HPSE: variants seen among roughly 807,000 people sequenced by gnomAD.
HPSE encodes endo-glucoronidase.
Under a neutral mutation model 65.1 loss-of-function variants are expected in HPSE, and 48 were observed. The observed-to-expected ratio is 0.74, with a 90% confidence interval of 0.58 to 0.94. HPSE has a LOEUF of 0.94. Ranked by LOEUF, HPSE falls within the 40% of genes least tolerant of loss-of-function variation. The pLI, the probability that HPSE is intolerant of heterozygous loss-of-function variation, is 0.00. For missense variants in HPSE, 644 were observed against 637.5 expected, an observed-to-expected ratio of 1.01 and a Z score of -0.11; for synonymous variants, 243 against 260.0, an observed-to-expected ratio of 0.93 and a Z score of 0.63.
chr4:83,311,365 A>G (rs1383147687), intron 4 of HPSE, among the ~76,000 whole-genome samples: 2 of 152,156 alleles, frequency 1.3e-5, no homozygotes, highest in Non-Finnish European at 2.9e-5. Context: ...CTCCAGAAAA[A>G]CAAAACAAAA....
At chr4:83,308,304 G>A (rs543259735) in intron 8 of HPSE, among the ~76,000 whole-genome samples, 67 of 152,194 alleles carry the variant, frequency 4.4e-4, no homozygotes, top group African/African-American at 1.5e-3. Context: ...TACTCAGGAC[G>A]CTGAGGCAGG....
chr4:83,298,295 G>A (rs1048157370), intron 11 of HPSE, among the ~76,000 whole-genome samples: 1 of 152,104 alleles, frequency 6.6e-6, no homozygotes, highest in East Asian at 1.9e-4. Flanking sequence ...TGGGGATGCT[G>A]GGCAAAATGT....
intron 1 of HPSE, among the ~76,000 whole-genome samples, chr4:83,333,222 T>C (rs921389022): frequency 6.6e-6 from 1 of 152,216 alleles, no homozygotes; most frequent in Non-Finnish European, 1.5e-5. Context: ...ACACTTACTA[T>C]GGGTCAAACA....
chr4:83,298,613 A>G (rs1195732868), intron 11 of HPSE, among the ~76,000 whole-genome samples: 1 of 151,960 alleles, frequency 6.6e-6, no homozygotes, highest in Non-Finnish European at 1.5e-5. Flanking sequence ...AGATCACTTG[A>G]GCTTAGGAGT....
intron 3 of HPSE, among the ~76,000 whole-genome samples, chr4:83,315,343 T>A (rs1459448165): frequency 2.6e-5 from 4 of 152,174 alleles, no homozygotes; most frequent in African/African-American, 9.7e-5. Context: ...TGACCCAGCA[T>A]TCTACTGGAT....
Position 83,292,583 on chromosome 4 carries a change from TAAATTGAATG to T in HPSE, c.*2751_*2760del, listed in dbSNP as rs1418139838. 6.6e-6 allele frequency: 1 copy of T among 152,242 alleles called. No homozygotes were observed. The highest frequency in any genetic ancestry group is 2.4e-5 in the African/African-American group (1 of 41,456). 9.4% of individuals were successfully genotyped at this position (152,242 alleles called of 1,614,324 possible). On this transcript the variant is annotated 3_prime_UTR_variant, in exon 12 of 12. Coordinates refer to ENST00000311412, the MANE Select transcript of HPSE (RefSeq NM_001098540.3). ...AGCTTTAGCTCCTTACAAATATACT[TAAATTGAATG>T]AAATTGAATGGAATTAACCTAAGTG...
chr4:83,334,907 A>G (rs1467458591), upstream of HPSE: 15 of 1,380,658 alleles, frequency 1.1e-5, no homozygotes, highest in African/African-American at 1.8e-4. Context: ...ACGCCTCCTC[A>G]CCCCTCCCAC....
intron 4 of HPSE, 87 bp downstream of exon 4, chr4:83,313,021 CAAAAAA>C (rs370866017): frequency 1.9e-5 from 12 of 646,020 alleles, no homozygotes; most frequent in South Asian, 7.0e-5. Flanking sequence ...GACTCTGTCT[CAAAAAA>C]AAAAAAAAAA....
chr4:83,320,433 G>T (rs1244720775), intron 2 of HPSE, among the ~76,000 whole-genome samples: 1 of 152,124 alleles, frequency 6.6e-6, no homozygotes, highest in South Asian at 2.1e-4. Flanking sequence ...GGGCGTGGTG[G>T]TGTGTGCCTG....
chr4:83,310,810 G>A lies in HPSE; in HGVS notation c.754C>T (p.Leu252Phe). 1 of 1,613,966 alleles carries A rather than the reference G, an allele frequency of 6.2e-7. No individual in the cohort carries two copies. Among genetic ancestry groups the A allele is most frequent in the Non-Finnish European group, 8.5e-7 (1 of 1,179,840 alleles). ...LGEDFIQLHKLLRKSTFKNAK... is the reference protein window; with the variant it reads ...LGEDFIQLHKFLRKSTFKNAK... ...TTTTTGAAGGTGGACTTTCTTAGAA[G>A]TTTATGCAATTGAATAAAATCTTCT... is the stretch of plus-strand genomic sequence containing the variant. The change falls in exon 5 of 12, where the codon CTT (leucine) becomes TTT (phenylalanine). Residue 252 changes from leucine to phenylalanine, a missense_variant. Coordinates refer to ENST00000311412, the MANE Select transcript of HPSE (RefSeq NM_001098540.3).
At chr4:83,313,069 A>T in intron 4 of HPSE, 45 bp downstream of exon 4, 1 of 1,117,140 alleles carries the variant, frequency 9.0e-7, no homozygotes, top group East Asian at 2.4e-5. Flanking sequence ...AAATAATGCT[A>T]GTGGGGGATC....
chr4:83,300,742 G>C (rs558345013), intron 11 of HPSE, among the ~76,000 whole-genome samples: 625 of 26,134 alleles, frequency 0.024, 229 homozygotes, highest in South Asian at 0.054. Flanking sequence ...GTGAACCCGG[G>C]AGGCGGAGCT....
chr4:83,334,764 G>C lies in HPSE; in HGVS notation c.19C>G (p.Pro7Ala). Residue 7 changes from proline to alanine, a missense_variant, in exon 1 of 12, where the codon CCT (proline) becomes GCT (alanine). Physicochemically the swap from Pro to Ala is conservative, Grantham distance 27. Transcript: ENST00000311412. MLLRSK[P>A]ALPPPLMLLL... ...AGCATCAGCGGCGGCGGCAGCGCAG[G>C]CTTCGAGCGCAGCAGCATCTTGGGC... 9 of 1,548,852 alleles carry C rather than the reference G, an allele frequency of 5.8e-6. No homozygotes were observed. The highest frequency in any genetic ancestry group is 2.4e-5 in the South Asian group (2 of 83,898).
intron 8 of HPSE, among the ~76,000 whole-genome samples, chr4:83,307,114 T>G (rs1267401391): frequency 6.6e-6 from 1 of 152,170 alleles, no homozygotes; most frequent in African/African-American, 2.4e-5. Flanking sequence ...AAATTATCCT[T>G]AAAAGCTCTG....
At position 83,293,176 on chromosome 4, in the gene HPSE, G is replaced by A. The variant is rs2126179349; in HGVS notation, c.*2168C>T. ...TCTCCATTCCAAAGGGTTACTCAGA[G>A]ACAATTATAGGAACCTCGTTGTTGT... On this transcript the variant is annotated 3_prime_UTR_variant, in exon 12 of 12. Transcript: ENST00000311412. The A allele has an allele frequency of 6.6e-6, 1 of 152,308 alleles. No homozygotes were observed. The highest frequency in any genetic ancestry group is 6.5e-5 in the Admixed American group (1 of 15,298). 9.4% of individuals were successfully genotyped at this position (152,308 alleles called of 1,614,324 possible). A position where few individuals can be genotyped will look rare whatever the true frequency, so the allele number is the denominator to read the frequency against.
chr4:83,330,434 T>A (rs544054616), intron 1 of HPSE, among the ~76,000 whole-genome samples: 43 of 152,186 alleles, frequency 2.8e-4, no homozygotes, highest in Non-Finnish European at 5.9e-4. Context: ...TTAGGAGACA[T>A]GAGGTGTGTG....
rs550272992 is a variant in HPSE at position 83,328,257 on chromosome 4, C to A, written c.228-5893G>T. Among the ~76,000 whole-genome samples the A allele has an allele frequency of 3.3e-5, 5 of 152,304 alleles. No homozygotes were observed. In the East Asian group the frequency reaches 9.6e-4, roughly 29 times the overall value. On this transcript the variant is annotated intron_variant, in intron 1 of 11. Transcript: ENST00000311412. ...GGCAGGGCCATACTCCCTCTCTAGG[C>A]GCAGGAAAGGATTTGTTCCAGGTCT...
At chr4:83,298,400 G>A (rs902480408) in intron 11 of HPSE, among the ~76,000 whole-genome samples, 14 of 152,164 alleles carry the variant, frequency 9.2e-5, no homozygotes, top group African/African-American at 3.4e-4. Flanking sequence ...ACTTTGGGCG[G>A]CTAAGGCAGC....
At chr4:83,312,444 G>A (rs1231008199) in intron 4 of HPSE, among the ~76,000 whole-genome samples, 1 of 152,126 alleles carries the variant, frequency 6.6e-6, no homozygotes, top group Non-Finnish European at 1.5e-5. Context: ...TTGGGACGCC[G>A]AGGCGGGCAG....
Sources: allele counts gnomAD v4.1 joint callset (sites outside exome capture counted in the v4.1 genomes callset), GRCh38; gene constraint gnomAD v4.1.1; transcripts MANE v1.5; gene names NCBI Gene and HGNC (gene_info 2026-07-23, HGNC 2026-07-21).